Variants in DERPC observed in about 807,000 individuals in gnomAD.
The protein encoded by DERPC is decreased expression in renal and prostate cancer protein.
A neutral mutation model predicts 7.2 loss-of-function variants in DERPC; 1 was observed. The ratio of observed to expected loss-of-function variants is 0.14; its 90% CI spans 0.05 to 0.66. The LOEUF is 0.66. Among genes scored for constraint, DERPC ranks in the 30% least tolerant of loss-of-function variants. The pLI, the probability that DERPC is intolerant of heterozygous loss-of-function variation, is 0.84. For missense variants in DERPC, 502 were observed against 299.4 expected (o/e 1.68, Z -4.99); for synonymous variants, 185 against 117.6 (o/e 1.57, Z -3.71).
chr16:69,129,727 C>A (rs760796968), intron 1 of DERPC, among the ~76,000 whole-genome samples: 2 of 152,200 alleles, frequency 1.3e-5, no homozygotes, highest in Admixed American at 1.3e-4. Flanking sequence ...ACACAGCCCC[C>A]TCCTGTAAAG....
At chr16:69,132,400 T>C in intron 1 of DERPC, 84 bp downstream of exon 1, 1 of 154,242 alleles carries the variant, frequency 6.5e-6, no homozygotes, top group Non-Finnish European at 1.3e-5. Context: ...CTCCCTAGCT[T>C]CCCGCTCCCT....
chr16:69,132,551 T>TCGCCGC lies in DERPC; in HGVS notation c.-353_-348dup, dbSNP rs940680793. The TCGCCGC allele has an allele frequency of 5.5e-6, 2 of 364,434 alleles. No individual in the cohort carries two copies. Among genetic ancestry groups the TCGCCGC allele is most frequent in the Non-Finnish European group, 1.1e-5 (2 of 185,646 alleles). The allele number at this position is 364,434 out of a possible 1,614,324, so 22.6% of individuals were successfully genotyped here. A position where few individuals can be genotyped will look rare whatever the true frequency, so the allele number is the denominator to read the frequency against. Reference sequence around the variant, plus strand: ...GCGACAACCGAACCTCCCGCCGCCGTCGCCGCCGCCGCGAGCACTGCCTGC... The same window carrying TCGCCGC: ...GCGACAACCGAACCTCCCGCCGCCGTCGCCGCCGCCGCCGCCGCGAGCACTGCCTGC... On this transcript the variant is annotated 5_prime_UTR_variant, in exon 1 of 3. Coordinates refer to ENST00000519520, the MANE Select transcript of DERPC (RefSeq NM_001002847.4).
intron 1 of DERPC, among the ~76,000 whole-genome samples, chr16:69,127,064 C>G (rs1185388535): frequency 1.3e-5 from 2 of 151,948 alleles, no homozygotes; most frequent in African/African-American, 4.8e-5. Context: ...ATAGTGAAAC[C>G]CCATCTCTAC....
chr16:69,121,209 G>C, intron 2 of DERPC: 1 of 1,570,306 alleles, frequency 6.4e-7, no homozygotes, highest in Non-Finnish European at 8.7e-7. Context: ...ATTTTTGAGG[G>C]GTGAAGGATG....
Position 69,128,583 on chromosome 16 carries a change from C to T in DERPC, c.-280+3901G>A, listed in dbSNP as rs1035383570. On this transcript the variant is annotated intron_variant, in intron 1 of 2. Transcript: ENST00000519520. The stretch of plus-strand genomic sequence containing the variant: ...ATTCTGTATTCCTAAGTTAGTCAAA[C>T]GACTTTATCTCAGTAAAGGAAACTT... Among the ~76,000 whole-genome samples the T allele has an allele frequency of 4.6e-5, 7 of 152,112 alleles. No individual in the cohort carries two copies. The East Asian group carries it at 1.2e-3, about 25-fold the overall frequency.
intron 1 of DERPC, among the ~76,000 whole-genome samples, chr16:69,124,479 A>G (rs961882588): frequency 2.0e-5 from 3 of 152,164 alleles, no homozygotes; most frequent in South Asian, 2.1e-4. Context: ...GCTGGAGTGC[A>G]GTGGCATGAT....
intron 1 of DERPC, chr16:69,132,215 T>TCCCTTCCCCCACACTCCTGGCCCTCCCAC (rs1962594303): frequency 7.2e-6 from 1 of 138,252 alleles, no homozygotes; most frequent in African/African-American, 2.8e-5. Flanking sequence ...TCCACACCGC[T>TCCCTTCCCCCACACTCCTGGCCCTCCCAC]CCCTTCCCCC....
chr16:69,123,134 G>A (rs1961806162), intron 1 of DERPC, among the ~76,000 whole-genome samples: 1 of 152,118 alleles, frequency 6.6e-6, no homozygotes, highest in Non-Finnish European at 1.5e-5. Flanking sequence ...ATAGCTCACT[G>A]AGGCCTTTAC....
Position 69,120,026 on chromosome 16 carries a change from C to A in DERPC, c.403G>T (p.Ala135Ser). 1 of 690,064 alleles carries A rather than the reference C, an allele frequency of 1.4e-6. No homozygotes were observed. Among genetic ancestry groups the A allele is most frequent in the Non-Finnish European group, 2.6e-6 (1 of 378,236 alleles). The allele number at this position is 690,064 out of a possible 1,614,324, so 42.7% of individuals were successfully genotyped here. The change falls in exon 3 of 3, where the codon GCT becomes TCT. Residue 135 changes from alanine to serine, a missense_variant. Ala to Ser is a moderately conservative substitution (Grantham distance 99, BLOSUM62 1). Transcript: ENST00000519520. The surrounding 1 kb of genome is among the most constrained non-coding windows in gnomAD (Gnocchi z 4.0). ...GACAGAGGCCCTGGGCCTGGCAGAGCCCCTGTCCTAGGGTTTAGGGTGGGG... is the reference window on the plus strand; with the variant it reads ...GACAGAGGCCCTGGGCCTGGCAGAGACCCTGTCCTAGGGTTTAGGGTGGGG... ...PGPTLNPRTG[A>S]LPGPGPLSNP...
At chr16:69,130,955 G>C (rs776623768) in intron 1 of DERPC, among the ~76,000 whole-genome samples, 3 of 152,164 alleles carry the variant, frequency 2.0e-5, no homozygotes, top group Non-Finnish European at 2.9e-5. Context: ...ATGTCTCTAT[G>C]TGCCTTTCTA....
At position 69,120,618 on chromosome 16, in the gene DERPC, A is replaced by G. The variant is rs1369974036; in HGVS notation, c.-190T>C. On this transcript the variant is annotated 5_prime_UTR_variant, in exon 3 of 3. Coordinates refer to ENST00000519520, the MANE Select transcript of DERPC (RefSeq NM_001002847.4). This position sits in a 1 kb window ranked among gnomAD's most constrained non-coding sequence, Gnocchi z 4.0. ...CAGGTGGATGATTTTCCCATACAGG[A>G]TATGATGCCCCACGATCAGCACAGG... is the stretch of plus-strand genomic sequence containing the variant. The G allele has an allele frequency of 2.5e-6, 4 of 1,613,050 alleles. No homozygotes were observed. Among genetic ancestry groups the G allele is most frequent in the South Asian group, 1.1e-5 (1 of 91,078 alleles).
At position 69,119,138 on chromosome 16, in the gene DERPC, T is replaced by C; in HGVS notation, c.1291A>G (p.Thr431Ala). ...GPSPTTFPRS[T>A]GPLGPGQVTF... ...ACTTGACCAGGGCCTAATGGGCCAG[T>C]AGACCTTGGGAAGGTAGTTGGACTT... Residue 431 changes from threonine to alanine, a missense_variant, in exon 3 of 3, where the codon ACT becomes GCT. Thr to Ala is a moderately conservative substitution (Grantham distance 58, BLOSUM62 0). Coordinates refer to ENST00000519520, the MANE Select transcript of DERPC (RefSeq NM_001002847.4). 2 of 703,038 alleles carry C rather than the reference T, an allele frequency of 2.8e-6. No individual in the cohort carries two copies. Among genetic ancestry groups the C allele is most frequent in the East Asian group, 2.7e-5 (1 of 37,282 alleles). 43.5% of individuals were successfully genotyped at this position (703,038 alleles called of 1,614,324 possible). A position where few individuals can be genotyped will look rare whatever the true frequency, so the allele number is the denominator to read the frequency against.
Position 69,118,590 on chromosome 16 carries a change from G to A in DERPC, c.*264C>T. Reference sequence around the variant, plus strand: ...AGAAACAATGGGCAGAAAGCTGTGGGACGAAAGCACAGCAGGCTTCTGGGA... The same window carrying A: ...AGAAACAATGGGCAGAAAGCTGTGGAACGAAAGCACAGCAGGCTTCTGGGA... On this transcript the variant is annotated 3_prime_UTR_variant, in exon 3 of 3. Coordinates refer to ENST00000519520, the MANE Select transcript of DERPC (RefSeq NM_001002847.4). 2.7e-6 allele frequency: 2 copies of A among 728,608 alleles called. No homozygotes were observed. Among genetic ancestry groups the A allele is most frequent in the Non-Finnish European group, 5.0e-6 (2 of 400,820 alleles). The allele number at this position is 728,608 out of a possible 1,614,324, so 45.1% of individuals were successfully genotyped here. A position where few individuals can be genotyped will look rare whatever the true frequency, so the allele number is the denominator to read the frequency against.
At position 69,121,418 on chromosome 16, in the gene DERPC, A is replaced by T; in HGVS notation, c.-222+18T>A. ...TCATCATTTCAAGCCAAATTTTAAA[A>T]TCTCAAAATGTACTTACCTGGAAAT... On this transcript the variant is annotated intron_variant, in intron 2 of 2. Coordinates refer to ENST00000519520, the MANE Select transcript of DERPC (RefSeq NM_001002847.4). The T allele has an allele frequency of 6.3e-7, 1 of 1,597,778 alleles. No individual in the cohort carries two copies. The highest frequency in any genetic ancestry group is 1.1e-5 in the South Asian group (1 of 87,934).
In DERPC at chr16:69,118,181, TTTGA is replaced by T. The variant is rs373811879; in HGVS notation, c.*669_*672del. On this transcript the variant is annotated 3_prime_UTR_variant, in exon 3 of 3. Transcript: ENST00000519520. The stretch of plus-strand genomic sequence containing the variant: ...CACATCAGTTTAAATTTTGAGGTTC[TTTGA>T]TTGATTGGGAGTACCAGTGAAGAGG... 27 of 561,588 alleles carry T rather than the reference TTTGA, an allele frequency of 4.8e-5. No individual in the cohort carries two copies. Among genetic ancestry groups the T allele is most frequent in the South Asian group, 3.7e-4 (18 of 48,970 alleles). 34.8% of individuals were successfully genotyped at this position (561,588 alleles called of 1,614,324 possible).
intron 1 of DERPC, among the ~76,000 whole-genome samples, chr16:69,123,166 C>A (rs1241009209): frequency 6.6e-6 from 1 of 152,166 alleles, no homozygotes; most frequent in Non-Finnish European, 1.5e-5. Flanking sequence ...AAGTGATCCT[C>A]CTACCTCAGC....
Position 69,120,463 on chromosome 16 carries a change from G to A in DERPC, c.-35C>T. 1 of 1,614,126 alleles carries A rather than the reference G, an allele frequency of 6.2e-7. No homozygotes were observed. The highest frequency in any genetic ancestry group is 8.5e-7 in the Non-Finnish European group (1 of 1,180,030). On this transcript the variant is annotated 5_prime_UTR_variant, in exon 3 of 3. Transcript: ENST00000519520. The surrounding 1 kb of genome is among the most constrained non-coding windows in gnomAD (Gnocchi z 4.0). ...GGGACGCTGGTGATAATGGGCTTGG[G>A]GCGGGTTTTGAAAAGGATCTTGTCT...
chr16:69,124,050 G>A lies in DERPC; in HGVS notation c.-279-2557C>T, dbSNP rs144736659. ...ACCTGGGAGATAAAGGTTGCAGTGA[G>A]CTGAGATCACACCACTGCACTCCAG... is the stretch of plus-strand genomic sequence containing the variant. On this transcript the variant is annotated intron_variant, in intron 1 of 2. Coordinates refer to ENST00000519520, the MANE Select transcript of DERPC (RefSeq NM_001002847.4). 4.9e-3 allele frequency among the ~76,000 whole-genome samples: 738 copies of A among 151,712 alleles called. 3 individuals carry two copies. The highest frequency in any genetic ancestry group is 0.017 in the African/African-American group (719 of 41,308).
chr16:69,121,764 TTCA>T (rs777477005), intron 1 of DERPC, among the ~76,000 whole-genome samples: 3 of 151,286 alleles, frequency 2.0e-5, no homozygotes, highest in African/African-American at 4.9e-5. Flanking sequence ...GCCTCCGGGG[TTCA>T]TGCCATTCTC....
Sources: gnomAD v4.1 joint callset for allele counts (sites outside exome capture counted in the v4.1 genomes callset) on GRCh38, gnomAD v4.1.1 for gene constraint, Gnocchi (gnomAD v3.1) non-coding constraint, MANE v1.5 for transcripts, NCBI Gene and HGNC (gene_info 2026-07-23, HGNC 2026-07-21) for gene names.